The following OOEP variants were observed in gnomAD, a reference collection of about 807,000 sequenced individuals.
OOEP encodes the protein oocyte expressed protein.
OOEP carries 16 observed loss-of-function variants against 13.7 expected under a neutral mutation model. That is an observed-to-expected ratio of 1.16 (90% confidence interval 0.79 to 1.77). OOEP has a LOEUF of 1.77. OOEP is among the 40% of genes most tolerant of loss of function. The pLI is 0.00. For synonymous variants in OOEP, 89 were observed against 77.1 expected (o/e 1.15, Z -0.81); for missense variants, 195 against 193.1 (o/e 1.01, Z -0.06).
intron 2 of OOEP, among the ~76,000 whole-genome samples, chr6:73,381,205 T>TA (rs66507015): frequency 0.071 from 7,096 of 99,778 alleles, 196 homozygotes; most frequent in African/African-American, 0.11. Flanking sequence ...AAAAAAGTGT[T>TA]AAAAAAAAAA....
At position 73,376,344 on chromosome 6, in the gene OOEP, GTTTTTTTTTTTTTTT is replaced by G. The variant is rs70994194; in HGVS notation, c.26-6974_26-6960del. ...TCGCAGCTGTTTTGGACAAGGGGTT[GTTTTTTTTTTTTTTT>G]TTTTTTTTTTTTTGAATACAACATT... is the stretch of plus-strand genomic sequence containing the variant. On this transcript the variant is annotated intron_variant, in intron 2 of 3. Coordinates refer to the OOEP transcript ENST00000370363. 6.8e-5 allele frequency among the ~76,000 whole-genome samples: 7 copies of G among 103,558 alleles called. No individual in the cohort carries two copies. In the South Asian group the frequency reaches 1.9e-3, roughly 28 times the overall value. The allele number at this position is 103,558 out of a possible 152,430, so 67.9% of individuals were successfully genotyped here.
chr6:73,385,868 G>A (rs1769266112), intron 2 of OOEP, among the ~76,000 whole-genome samples: 1 of 152,048 alleles, frequency 6.6e-6, no homozygotes, highest in African/African-American at 2.4e-5. Flanking sequence ...TTATGGGCGT[G>A]AGCCACTGTG....
intron 2 of OOEP, 132 bp from the exon 3 acceptor site, chr6:73,368,995 G>A: frequency 1.2e-6 from 1 of 816,342 alleles, no homozygotes; most frequent in Non-Finnish European, 2.0e-6. Context: ...GGCTGACTTG[G>A]GCAGTGATGG....
exon 1 of OOEP, chr6:73,394,868 G>T: frequency 6.2e-7 from 1 of 1,607,048 alleles, no homozygotes; most frequent in Non-Finnish European, 8.5e-7. Flanking sequence ...GTGCAGAGCT[G>T]GACGGCAACG....
rs568805333 is a variant in OOEP at position 73,377,458 on chromosome 6, A to C, written c.26-8073T>G. Among the ~76,000 whole-genome samples, 27 of 152,160 alleles carry C rather than the reference A, an allele frequency of 1.8e-4. 1 individual carries two copies. Among genetic ancestry groups the C allele is most frequent in the African/African-American group, 6.5e-4 (27 of 41,544 alleles). On this transcript the variant is annotated intron_variant, in intron 2 of 3. Coordinates refer to the OOEP transcript ENST00000370363. ...AGTCACCACACCTCGAACTTTCTCA[A>C]GTTCTCGTGAATATACCATTTCTAC...
chr6:73,387,019 A>G (rs1442431855), intron 2 of OOEP, among the ~76,000 whole-genome samples: 4 of 149,080 alleles, frequency 2.7e-5, no homozygotes, highest in Non-Finnish European at 4.4e-5. Context: ...GCAGAGCTCA[A>G]TGAAAGGGCT....
chr6:73,384,145 A>C (rs535783246), intron 2 of OOEP, among the ~76,000 whole-genome samples: 1 of 152,258 alleles, frequency 6.6e-6, no homozygotes, highest in East Asian at 1.9e-4. Context: ...GGAGGACCAG[A>C]TATAAAAAGG....
At chr6:73,387,970 A>G (rs1436527237) in intron 2 of OOEP, among the ~76,000 whole-genome samples, 2 of 152,156 alleles carry the variant, frequency 1.3e-5, no homozygotes, top group Non-Finnish European at 2.9e-5. Flanking sequence ...CCTGTGTTCC[A>G]GCGATTCTCA....
At chr6:73,381,969 A>G (rs1279244579) in intron 2 of OOEP, among the ~76,000 whole-genome samples, 1 of 152,162 alleles carries the variant, frequency 6.6e-6, no homozygotes, top group Non-Finnish European at 1.5e-5. Flanking sequence ...TGATACAGTG[A>G]GACTCTGTCT....
At chr6:73,378,894 A>G (rs1769166681) in intron 2 of OOEP, among the ~76,000 whole-genome samples, 1 of 151,938 alleles carries the variant, frequency 6.6e-6, no homozygotes, top group African/African-American at 2.4e-5. Context: ...ATTATTGATT[A>G]CCCTAAAGAG....
chr6:73,394,094 AC>A (rs1429452895), intron 2 of OOEP, among the ~76,000 whole-genome samples: 1 of 152,128 alleles, frequency 6.6e-6, no homozygotes, highest in Non-Finnish European at 1.5e-5. Flanking sequence ...TAACCCCAGC[AC>A]TATGGGAGGT....
chr6:73,375,226 C>T (rs1403938789), intron 2 of OOEP, among the ~76,000 whole-genome samples: 2 of 152,120 alleles, frequency 1.3e-5, no homozygotes, highest in African/African-American at 4.8e-5. Flanking sequence ...TCTAGAATCC[C>T]CTCCAAGGCA....
chr6:73,368,810 G>C lies in OOEP; in HGVS notation c.424C>G (p.His142Asp), dbSNP rs1278887962. Residue 142 changes from histidine (H) to aspartate (D), a missense_variant, in exon 3 of 3, where the codon CAC becomes GAC. His to Asp is a moderately conservative substitution (Grantham distance 81). Coordinates refer to ENST00000370359, the MANE Select transcript of OOEP (RefSeq NM_001080507.3). ...TAAGCAACAGGATCCTGGGGAGAGT[G>C]GGGGTCTGATGCATGGGCCTTCAAG... The part of the protein sequence containing the change: ...KNLKAHASDP[H>D]SPQDPVA 6.2e-7 allele frequency: 1 copy of C among 1,613,052 alleles called. No individual in the cohort carries two copies. The highest frequency in any genetic ancestry group is 8.5e-7 in the Non-Finnish European group (1 of 1,179,030).
upstream of OOEP, among the ~76,000 whole-genome samples, chr6:73,372,918 T>C (rs1437293005): frequency 6.6e-6 from 1 of 151,298 alleles, no homozygotes; most frequent in Non-Finnish European, 1.5e-5. Context: ...CTTTTTTTTT[T>C]TTTTTTTTTT....
At chr6:73,394,889 C>G (rs767504506) in exon 1 of OOEP, 3 of 1,612,986 alleles carry the variant, frequency 1.9e-6, no homozygotes, top group South Asian at 1.1e-5. Context: ...ACGTCGGACG[C>G]GCCCCTTCTT....
chr6:73,378,068 A>G (rs1769157199), intron 2 of OOEP, among the ~76,000 whole-genome samples: 1 of 151,760 alleles, frequency 6.6e-6, no homozygotes, highest in South Asian at 2.1e-4. Flanking sequence ...TCCAGCCTGC[A>G]TATATTATTG....
chr6:73,384,093 C>A (rs1049644395), intron 2 of OOEP, among the ~76,000 whole-genome samples: 5 of 151,930 alleles, frequency 3.3e-5, no homozygotes, highest in Non-Finnish European at 7.4e-5. Context: ...GAGACCCTGT[C>A]TCTAAATAAA....
chr6:73,377,785 A>G (rs1055672045), intron 2 of OOEP, among the ~76,000 whole-genome samples: 1 of 152,198 alleles, frequency 6.6e-6, no homozygotes, highest in African/African-American at 2.4e-5. Context: ...CTCCTGCCTC[A>G]GTCTCCTGAG....
At chr6:73,389,397 T>C (rs944163669) in intron 2 of OOEP, among the ~76,000 whole-genome samples, 5 of 150,184 alleles carry the variant, frequency 3.3e-5, no homozygotes, top group Middle Eastern at 3.4e-3. Flanking sequence ...CTCCACCTTT[T>C]TATCTTTTTT....
Sources: gnomAD v4.1 joint callset for allele counts (sites outside exome capture counted in the v4.1 genomes callset) on GRCh38, gnomAD v4.1.1 for gene constraint, MANE v1.5 for transcripts, NCBI Gene and HGNC (gene_info 2026-07-23, HGNC 2026-07-21) for gene names.